Variants in USP32 observed in about 807,000 individuals in gnomAD.
USP32 encodes the protein ubiquitin carboxyl-terminal hydrolase 32.
In USP32, 59 loss-of-function variants were observed where a neutral mutation model predicts 204.8. The ratio of observed to expected loss-of-function variants is 0.29; its 90% CI spans 0.23 to 0.36. The LOEUF (loss-of-function observed/expected upper bound fraction) is 0.36, where lower values mean the gene tolerates loss of function less well. Ranked by LOEUF, USP32 falls within the 10% of genes least tolerant of loss-of-function variation. The pLI, the probability that USP32 is intolerant of heterozygous loss-of-function variation, is 1.00. For synonymous variants in USP32, 517 were observed against 678.4 expected (o/e 0.76, Z 3.70); for missense variants, 1,160 against 1,946.4 (o/e 0.60, Z 7.60).
chr17:60,296,206 T>C (rs2087426041), intron 3 of USP32, among the ~76,000 whole-genome samples: 1 of 152,170 alleles, frequency 6.6e-6, no homozygotes, highest in South Asian at 2.1e-4. Flanking sequence ...GTTTGAAATA[T>C]TGTTGTTATA....
Position 60,183,217 on chromosome 17 carries a change from G to A in USP32, c.4071C>T (p.Leu1357=), listed in dbSNP as rs753584880. Residue 1357 remains leucine, a synonymous_variant, in exon 31 of 34, where the codon CTC becomes CTT. Coordinates refer to ENST00000300896, the MANE Select transcript of USP32 (RefSeq NM_032582.4). The part of the protein sequence containing the change: ...AQSSAGEEDV[L]LSKSPSSLSA... ...TGAGTGAGGATGGGCTTTTGCTCAG[G>A]AGCACGTCCTCTTCCCCAGCCGAAC... 6.2e-7 allele frequency: 1 copy of A among 1,614,004 alleles called. No individual in the cohort carries two copies. Among genetic ancestry groups the A allele is most frequent in the Admixed American group, 1.7e-5 (1 of 60,022 alleles).
chr17:60,306,406 G>A (rs1310991894), intron 2 of USP32, among the ~76,000 whole-genome samples: 1 of 152,212 alleles, frequency 6.6e-6, no homozygotes, highest in African/African-American at 2.4e-5. Flanking sequence ...GGAAAGCCGA[G>A]GGGGGTGGAT....
intron 18 of USP32, among the ~76,000 whole-genome samples, chr17:60,212,794 C>T (rs1351576023): frequency 6.6e-6 from 1 of 151,966 alleles, no homozygotes; most frequent in African/African-American, 2.4e-5. Context: ...GCTTTGTCCC[C>T]CCAGGTTGGA....
intron 26 of USP32, among the ~76,000 whole-genome samples, chr17:60,199,513 C>A (rs1338812515): frequency 1.3e-5 from 2 of 152,030 alleles, no homozygotes; most frequent in African/African-American, 4.8e-5. Flanking sequence ...AGCTGCTGAA[C>A]CTTTGAACAT....
chr17:60,304,037 A>T (rs2087658294), intron 2 of USP32, among the ~76,000 whole-genome samples: 1 of 152,308 alleles, frequency 6.6e-6, no homozygotes, highest in African/African-American at 2.4e-5. Context: ...AAATGAATAG[A>T]CACAAAACCA....
chr17:60,267,287 A>G (rs1412398843), intron 7 of USP32, among the ~76,000 whole-genome samples: 1 of 151,708 alleles, frequency 6.6e-6, no homozygotes, highest in African/African-American at 2.4e-5. Context: ...GGCGCCTGTA[A>G]TCTCAGCTAC....
intron 5 of USP32, among the ~76,000 whole-genome samples, chr17:60,278,380 T>C (rs185526183): frequency 1.5e-4 from 23 of 151,482 alleles, no homozygotes; most frequent in Admixed American, 1.5e-3. Flanking sequence ...AATGAAAAAA[T>C]AGAGAGTTTT....
At chr17:60,418,277 G>C (rs2090077730) in intron 1 of USP32, among the ~76,000 whole-genome samples, 1 of 151,758 alleles carries the variant, frequency 6.6e-6, no homozygotes, top group African/African-American at 2.4e-5. Context: ...ATTTTTAGTA[G>C]AGACAGCATT....
intron 12 of USP32, among the ~76,000 whole-genome samples, chr17:60,227,452 T>C (rs2085425766): frequency 6.6e-6 from 1 of 152,024 alleles, no homozygotes; most frequent in South Asian, 2.1e-4. Flanking sequence ...GTAGTTTTCA[T>C]AGAGATAGGG....
intron 5 of USP32, among the ~76,000 whole-genome samples, chr17:60,284,667 T>C (rs1364419371): frequency 6.6e-6 from 1 of 152,228 alleles, no homozygotes; most frequent in Non-Finnish European, 1.5e-5. Context: ...TCTCTAATAA[T>C]ACAGTGTTTT....
Position 60,275,575 on chromosome 17 carries a change from C to G in USP32, c.572-4094G>C, listed in dbSNP as rs75961809. On this transcript the variant is annotated intron_variant, in intron 5 of 33. Transcript: ENST00000300896. ...CTGTGATAAAAGATAACAATTAGTA[C>G]CAGACATGACCTTGGCATCTAGTAA... Among the ~76,000 whole-genome samples the G allele has an allele frequency of 9.5e-3, 1,442 of 152,110 alleles. 32 individuals are homozygous for G. The highest frequency in any genetic ancestry group is 0.033 in the African/African-American group (1,386 of 41,502).
chr17:60,229,057 T>A (rs1237885607), intron 12 of USP32, among the ~76,000 whole-genome samples: 1 of 152,152 alleles, frequency 6.6e-6, no homozygotes, highest in Non-Finnish European at 1.5e-5. Flanking sequence ...TGCTTTTTGA[T>A]TTTTTTAGTC....
chr17:60,381,876 C>G (rs2089652609), intron 1 of USP32, among the ~76,000 whole-genome samples: 1 of 152,192 alleles, frequency 6.6e-6, no homozygotes, highest in Admixed American at 6.5e-5. Context: ...CTGTTCTCTC[C>G]CAGTCGATAC....
rs2089850471 is a variant in USP32, at chr17:60,392,106, G to GCCGCCGCCGCCA, written c.-168_-167insTGGCGGCGGCGG. ...TCTGCCCCGGCGGCTCCTCCCGGTC[G>GCCGCCGCCGCCA]CCGCCACCGCCTCCATGCCGGATCA... On this transcript the variant is annotated 5_prime_UTR_variant, in exon 1 of 34. Transcript: ENST00000300896. 13 of 630,214 alleles carry GCCGCCGCCGCCA rather than the reference G, an allele frequency of 2.1e-5. No homozygotes were observed. The highest frequency in any genetic ancestry group is 3.4e-5 in the Non-Finnish European group (13 of 384,128). 39.0% of individuals were successfully genotyped at this position (630,214 alleles called of 1,614,324 possible).
intron 2 of USP32, among the ~76,000 whole-genome samples, chr17:60,310,362 G>A (rs2087825076): frequency 6.6e-6 from 1 of 152,154 alleles, no homozygotes. Context: ...ACAGATGAAT[G>A]GATAAAGAAA....
chr17:60,320,645 C>T (rs2145939162), intron 2 of USP32, among the ~76,000 whole-genome samples: 1 of 152,238 alleles, frequency 6.6e-6, no homozygotes, highest in South Asian at 2.1e-4. Context: ...TTTTCATCAA[C>T]ATTATAATGA....
chr17:60,415,894 C>A (rs911670635), intron 1 of USP32, among the ~76,000 whole-genome samples: 2 of 152,066 alleles, frequency 1.3e-5, no homozygotes, highest in Admixed American at 6.6e-5. Flanking sequence ...GGCTGGAGTG[C>A]AGTGGCATGA....
chr17:60,371,253 T>TAAA (rs373242290), intron 1 of USP32, among the ~76,000 whole-genome samples: 6 of 66,270 alleles, frequency 9.1e-5, no homozygotes, highest in South Asian at 4.8e-4. Flanking sequence ...CTCTAAAAAT[T>TAAA]AAAAAAAAAA....
chr17:60,350,944 G>A (rs1407137912), intron 1 of USP32, among the ~76,000 whole-genome samples: 3 of 151,878 alleles, frequency 2.0e-5, no homozygotes, highest in South Asian at 4.1e-4. Context: ...AGAGACACGA[G>A]AACCTAAGAG....
Sources: gnomAD v4.1 joint callset for allele counts (sites outside exome capture counted in the v4.1 genomes callset) on GRCh38, gnomAD v4.1.1 for gene constraint, MANE v1.5 for transcripts, NCBI Gene and HGNC (gene_info 2026-07-23, HGNC 2026-07-21) for gene names.